TEX2: variants seen among roughly 807,000 people sequenced by gnomAD.
The protein encoded by TEX2 is testis-expressed protein 2.
Under a neutral mutation model 106.9 loss-of-function variants are expected in TEX2, and 53 were observed. The ratio of observed to expected loss-of-function variants is 0.50; its 90% confidence interval spans 0.40 to 0.62. The LOEUF (loss-of-function observed/expected upper bound fraction) is 0.62. Among genes scored for constraint, TEX2 ranks in the 20% least tolerant of loss-of-function variants. TEX2 has a pLI of 0.00. For synonymous variants in TEX2, 523 were observed against 534.8 expected (o/e 0.98, Z 0.30); for missense variants, 1,207 against 1,379.0 (o/e 0.88, Z 1.98).
At chr17:64,159,720 T>G (rs1404346869) in intron 8 of TEX2, among the ~76,000 whole-genome samples, 1 of 152,196 alleles carries the variant, frequency 6.6e-6, no homozygotes, top group Non-Finnish European at 1.5e-5. Flanking sequence ...ATCCACAGAT[T>G]GCCGAATCCA....
At chr17:64,236,911 G>C (rs1315252526) in intron 1 of TEX2, among the ~76,000 whole-genome samples, 2 of 152,162 alleles carry the variant, frequency 1.3e-5, no homozygotes, top group African/African-American at 2.4e-5. Flanking sequence ...AGCTCTGAGA[G>C]TGAAGGCAAT....
Position 64,213,566 on chromosome 17 carries a change from C to T in TEX2, c.652G>A (p.Val218Ile). 6.2e-7 allele frequency: 1 copy of T among 1,614,132 alleles called. No individual in the cohort carries two copies. Among genetic ancestry groups the T allele is most frequent in the Non-Finnish European group, 8.5e-7 (1 of 1,180,006 alleles). ...GAAGTGTCCGTGGACAGAGACTTGA[C>T]TAATGTCTTCATCAAGTGCCTGTGC... ...ARHRHLMKTL[V>I]KSLSTDTSRQ... The change falls in exon 2 of 12, where the codon GTC becomes ATC. Residue 218 changes from valine (V) to isoleucine (I), a missense_variant. Around this residue, in one of 3 missense-constraint regions of TEX2, gnomAD observed 1,067 missense variants for 1,193.6 expected, o/e 0.89. Transcript: ENST00000584379. The surrounding 1 kb of genome is among the most constrained non-coding windows in gnomAD (Gnocchi z 4.4).
intron 1 of TEX2, among the ~76,000 whole-genome samples, chr17:64,235,150 T>A (rs1157125328): frequency 6.6e-6 from 1 of 152,174 alleles, no homozygotes; most frequent in Non-Finnish European, 1.5e-5. Flanking sequence ...TATAACACTA[T>A]CTCATCTAAG....
Position 64,150,997 on chromosome 17 carries a change from A to G in TEX2, c.3141-36T>C, listed in dbSNP as rs745901782. ...ACAAGTAATAACCACATTTAGAAGC[A>G]AAGCAAGGAATGAGACAGGCACTGA... is the stretch of plus-strand genomic sequence containing the variant. On this transcript the variant is annotated intron_variant, in intron 10 of 11. Transcript: ENST00000584379. The G allele has an allele frequency of 5.0e-6, 8 of 1,609,074 alleles. No individual in the cohort carries two copies. The Admixed American group carries it at 1.3e-4, about 27-fold the overall frequency.
At chr17:64,249,181 C>T (rs1265537862) in intron 1 of TEX2, among the ~76,000 whole-genome samples, 1 of 152,170 alleles carries the variant, frequency 6.6e-6, no homozygotes, top group Non-Finnish European at 1.5e-5. Context: ...AAATGAGCTC[C>T]TAAAACAGAA....
intron 1 of TEX2, among the ~76,000 whole-genome samples, chr17:64,234,540 A>G (rs2033726484): frequency 6.6e-6 from 1 of 152,212 alleles, no homozygotes; most frequent in Non-Finnish European, 1.5e-5. Context: ...ACCCAAAATC[A>G]TCCTCCATGG....
intron 8 of TEX2, chr17:64,156,205 G>A (rs1472464365): frequency 2.0e-5 from 3 of 152,324 alleles, no homozygotes; most frequent in South Asian, 2.1e-4. Context: ...CTGAAGGCCC[G>A]GCAGTGGCCC....
At chr17:64,182,368 T>C (rs1315665684) in intron 5 of TEX2, among the ~76,000 whole-genome samples, 2 of 152,190 alleles carry the variant, frequency 1.3e-5, no homozygotes, top group African/African-American at 2.4e-5. Context: ...GTTTCAATTA[T>C]ACAAGTTGAA....
chr17:64,243,083 C>G (rs1051945790), intron 1 of TEX2, among the ~76,000 whole-genome samples: 1 of 152,114 alleles, frequency 6.6e-6, no homozygotes, highest in Non-Finnish European at 1.5e-5. Flanking sequence ...CGCACACCAC[C>G]ACACCCGGCT....
chr17:64,227,651 AT>A (rs1263410776), intron 1 of TEX2, among the ~76,000 whole-genome samples: 1 of 152,218 alleles, frequency 6.6e-6, no homozygotes, highest in Non-Finnish European at 1.5e-5. Flanking sequence ...TATGTATGTA[AT>A]CTGCTTTTAT....
Position 64,160,972 on chromosome 17 carries a change from C to CA in TEX2, c.2672-40dup, listed in dbSNP as rs769707700. The CA allele has an allele frequency of 3.1e-5, 49 of 1,589,574 alleles. No individual in the cohort carries two copies. The South Asian group carries it at 3.8e-4, about 12-fold the overall frequency. On this transcript the variant is annotated intron_variant, in intron 7 of 11. Transcript: ENST00000584379. ...GAAAAAACAGAAGGTTTTTTTCCCT[C>CA]AAAAAAACACATGACTATAAATGAC...
chr17:64,166,983 G>A lies in TEX2; in HGVS notation c.2671+4117C>T, dbSNP rs2031168463. ...GAAATCCATATATATCCCACAGGTA[G>A]AGCAGCTAGTTCCAGGGTGTGTGTG... On this transcript the variant is annotated intron_variant, in intron 7 of 11. Transcript: ENST00000584379. Among the ~76,000 whole-genome samples, 3 of 152,320 alleles carry A rather than the reference G, an allele frequency of 2.0e-5. No individual in the cohort carries two copies. The South Asian group carries it at 6.2e-4, about 32-fold the overall frequency.
chr17:64,149,157 T>C, intron 11 of TEX2, 66 bp from the exon 12 acceptor site: 1 of 1,568,832 alleles, frequency 6.4e-7, no homozygotes, highest in Admixed American at 1.8e-5. Flanking sequence ...CCCTCCTTTG[T>C]TCTGATAATT....
chr17:64,148,281 A>G lies in TEX2; in HGVS notation c.*688T>C, dbSNP rs2030159239. 6.6e-6 allele frequency: 1 copy of G among 152,662 alleles called. No homozygotes were observed. The highest frequency in any genetic ancestry group is 1.5e-5 in the Non-Finnish European group (1 of 68,064). The allele number at this position is 152,662 out of a possible 1,614,324, so 9.5% of individuals were successfully genotyped here. A position where few individuals can be genotyped will look rare whatever the true frequency, so the allele number is the denominator to read the frequency against. On this transcript the variant is annotated 3_prime_UTR_variant, in exon 12 of 12. Coordinates refer to ENST00000584379, the MANE Select transcript of TEX2 (RefSeq NM_001288732.2). ...AAACATTCAAGATTAGCTAGCCCCC[A>G]GGTGGTTGTACCTCATTGGTGAAAG...
At chr17:64,182,116 G>A (rs924000150) in intron 5 of TEX2, among the ~76,000 whole-genome samples, 14 of 152,128 alleles carry the variant, frequency 9.2e-5, no homozygotes, top group Non-Finnish European at 1.0e-4. Flanking sequence ...GCAAAATGGC[G>A]TACGTACACA....
intron 4 of TEX2, among the ~76,000 whole-genome samples, chr17:64,192,295 A>G (rs1036334065): frequency 4.1e-4 from 63 of 152,226 alleles, no homozygotes; most frequent in African/African-American, 1.4e-3. Flanking sequence ...ATAAAGTCAT[A>G]CTAGAAACAG....
At chr17:64,237,033 A>C (rs1555635199) in intron 1 of TEX2, among the ~76,000 whole-genome samples, 1 of 152,204 alleles carries the variant, frequency 6.6e-6, no homozygotes, top group Non-Finnish European at 1.5e-5. Flanking sequence ...ACAATCACAT[A>C]ATCAATGCAA....
intron 1 of TEX2, among the ~76,000 whole-genome samples, chr17:64,231,633 GT>G (rs368636467): frequency 4.6e-4 from 70 of 152,298 alleles, no homozygotes; most frequent in African/African-American, 1.6e-3. Flanking sequence ...GTGGAAGGTG[GT>G]TAGATTCTGA....
rs780571088 is a variant in TEX2, at chr17:64,177,319, T to C, written c.2571+6A>G. 6.2e-7 allele frequency: 1 copy of C among 1,614,092 alleles called. No individual in the cohort carries two copies. The highest frequency in any genetic ancestry group is 8.5e-7 in the Non-Finnish European group (1 of 1,180,014). ...GATTAGAAGCCTCTTGTGTGGAAAG[T>C]GATACCTTTATTTTGCTGAGTTTCA... is the stretch of plus-strand genomic sequence containing the variant. On this transcript the variant is annotated splice_donor_region_variant and intron_variant, in intron 6 of 11. Transcript: ENST00000584379.
Sources: gnomAD v4.1 joint callset for allele counts (sites outside exome capture counted in the v4.1 genomes callset) on GRCh38, gnomAD v4.1.1 for gene constraint, gnomAD v4.1.1 regional missense constraint, Gnocchi (gnomAD v3.1) non-coding constraint, MANE v1.5 for transcripts, NCBI Gene and HGNC (gene_info 2026-07-23, HGNC 2026-07-21) for gene names.